Variants in SH3GL2 observed in about 807,000 individuals in gnomAD.
SH3GL2 encodes the protein endophilin-A1.
Under a neutral mutation model 46.0 loss-of-function variants are expected in SH3GL2, and 24 were observed. That is an observed-to-expected ratio of 0.52 (90% CI 0.38 to 0.73). The LOEUF is 0.73. Ranked by LOEUF, SH3GL2 falls within the 30% of genes least tolerant of loss-of-function variation. The pLI, the probability that SH3GL2 is intolerant of heterozygous loss-of-function variation, is 0.00. For missense variants in SH3GL2, 413 were observed against 424.2 expected, an observed-to-expected ratio of 0.97 and a Z score of 0.23; for synonymous variants, 196 against 147.1, an observed-to-expected ratio of 1.33 and a Z score of -2.40.
At chr9:17,770,422 A>G (rs1421915470) in intron 3 of SH3GL2, among the ~76,000 whole-genome samples, 2 of 152,194 alleles carry the variant, frequency 1.3e-5, no homozygotes, top group African/African-American at 4.8e-5. Flanking sequence ...CTTAAACTAC[A>G]AAGATACCTC....
intron 1 of SH3GL2, among the ~76,000 whole-genome samples, chr9:17,624,313 C>A (rs188640106): frequency 6.6e-6 from 1 of 152,168 alleles, no homozygotes; most frequent in Admixed American, 6.5e-5. Flanking sequence ...TCTTCCCTTG[C>A]AATAAGTGGT....
intron 1 of SH3GL2, among the ~76,000 whole-genome samples, chr9:17,586,648 C>T (rs537375197): frequency 1.3e-4 from 20 of 152,172 alleles, no homozygotes; most frequent in South Asian, 6.2e-4. Flanking sequence ...CTTCACATGA[C>T]GGCAGCAAGG....
At chr9:17,690,287 C>G (rs1677795662) in intron 1 of SH3GL2, among the ~76,000 whole-genome samples, 1 of 152,058 alleles carries the variant, frequency 6.6e-6, no homozygotes, top group East Asian at 1.9e-4. Flanking sequence ...TTCAGCATTC[C>G]CCCGGGCGAG....
intron 1 of SH3GL2, among the ~76,000 whole-genome samples, chr9:17,720,098 GTTTAC>G (rs939340554): frequency 7.2e-5 from 11 of 151,980 alleles, no homozygotes; most frequent in African/African-American, 2.4e-4. Context: ...GAAGAAAGAT[GTTTAC>G]TTTATTTTGC....
intron 1 of SH3GL2, among the ~76,000 whole-genome samples, chr9:17,614,639 C>T (rs1018203277): frequency 6.6e-6 from 1 of 152,108 alleles, no homozygotes. Context: ...AGTATGACAA[C>T]CTTGTGAGCT....
Position 17,579,077 on chromosome 9 carries a change from T to G in SH3GL2, c.-166T>G, listed in dbSNP as rs915069952. ...CACCCGCCCTTGACGTCAGAGTGTTTCTCCGCAAGAGCCCGTGTCCCGCTA... is the reference window on the plus strand; with the variant it reads ...CACCCGCCCTTGACGTCAGAGTGTTGCTCCGCAAGAGCCCGTGTCCCGCTA... On this transcript the variant is annotated 5_prime_UTR_variant, in exon 1 of 9. Coordinates refer to ENST00000380607, the MANE Select transcript of SH3GL2 (RefSeq NM_003026.5). 12 of 472,090 alleles carry G rather than the reference T, an allele frequency of 2.5e-5. No homozygotes were observed. Among genetic ancestry groups the G allele is most frequent in the Non-Finnish European group, 4.4e-5 (12 of 272,684 alleles). 29.2% of individuals were successfully genotyped at this position (472,090 alleles called of 1,614,324 possible). A position where few individuals can be genotyped will look rare whatever the true frequency, so the allele number is the denominator to read the frequency against.
At chr9:17,629,072 AT>A (rs1447178378) in intron 1 of SH3GL2, among the ~76,000 whole-genome samples, 5 of 151,932 alleles carry the variant, frequency 3.3e-5, no homozygotes, top group African/African-American at 1.2e-4. Context: ...ACTTAGATGA[AT>A]TGGGATGTTG....
chr9:17,630,858 C>A lies in SH3GL2; in HGVS notation c.45+51571C>A, dbSNP rs567377542. Among the ~76,000 whole-genome samples the A allele has an allele frequency of 2.0e-5, 3 of 152,220 alleles. No homozygotes were observed. The South Asian group carries it at 6.2e-4, about 32-fold the overall frequency. ...AGTCTCTTGCCTGCTGTTTTATGGG[C>A]AAGGTGGGGCAGGACCTATAAAAAT... On this transcript the variant is annotated intron_variant, in intron 1 of 8. Transcript: ENST00000380607.
At chr9:17,618,765 A>C (rs1053945591) in intron 1 of SH3GL2, among the ~76,000 whole-genome samples, 1 of 149,598 alleles carries the variant, frequency 6.7e-6, no homozygotes, top group Non-Finnish European at 1.5e-5. Context: ...TATATATTGA[A>C]CTAAATTTTT....
At position 17,755,839 on chromosome 9, in the gene SH3GL2, A is replaced by G. The variant is rs886261143; in HGVS notation, c.115-5598A>G. 1.1e-5 allele frequency: 10 copies of G among 914,036 alleles called. No individual in the cohort carries two copies. The African/African-American group carries it at 1.8e-4, about 16-fold the overall frequency. 56.6% of individuals were successfully genotyped at this position (914,036 alleles called of 1,614,324 possible). On this transcript the variant is annotated intron_variant, in intron 2 of 8. Transcript: ENST00000380607. ...CTTTTCTTCAGGGAAGAAAGGTAAT[A>G]TTCCCATGTCTCTGGAAGAGTAACC...
chr9:17,791,895 C>G (rs1225163307), intron 7 of SH3GL2, among the ~76,000 whole-genome samples: 1 of 152,214 alleles, frequency 6.6e-6, no homozygotes, highest in Non-Finnish European at 1.5e-5. Flanking sequence ...TTAGATGTAC[C>G]TCACAGCAGG....
chr9:17,615,839 A>G (rs555688805), intron 1 of SH3GL2, among the ~76,000 whole-genome samples: 3 of 152,318 alleles, frequency 2.0e-5, no homozygotes, highest in African/African-American at 7.2e-5. Flanking sequence ...AACTCAGTCA[A>G]AAACTACTGT....
chr9:17,791,041 C>T (rs1036744894), intron 6 of SH3GL2, among the ~76,000 whole-genome samples, 190 bp from the exon 7 acceptor site: 1 of 152,168 alleles, frequency 6.6e-6, no homozygotes, highest in African/African-American at 2.4e-5. Context: ...CATAAGGATG[C>T]TTTCTTTTAT....
intron 1 of SH3GL2, among the ~76,000 whole-genome samples, chr9:17,629,430 A>G (rs982536450): frequency 1.3e-5 from 2 of 152,216 alleles, no homozygotes; most frequent in South Asian, 4.1e-4. Flanking sequence ...GAATGGTGCT[A>G]TTAAGGTGAT....
chr9:17,657,513 A>G (rs139499985), intron 1 of SH3GL2, among the ~76,000 whole-genome samples: 36 of 152,276 alleles, frequency 2.4e-4, no homozygotes, highest in Non-Finnish European at 4.9e-4. Flanking sequence ...CCTTTAAGCA[A>G]GTCATTTACG....
chr9:17,711,403 G>A (rs1014708860), intron 1 of SH3GL2, among the ~76,000 whole-genome samples: 1 of 151,812 alleles, frequency 6.6e-6, no homozygotes, highest in African/African-American at 2.4e-5. Flanking sequence ...ATTGATCACT[G>A]AAATCCAGAA....
At chr9:17,612,508 T>C (rs1187044692) in intron 1 of SH3GL2, among the ~76,000 whole-genome samples, 2 of 152,148 alleles carry the variant, frequency 1.3e-5, no homozygotes, top group Admixed American at 1.3e-4. Flanking sequence ...TGCAGCTCTA[T>C]TGAAATACAG....
intron 1 of SH3GL2, among the ~76,000 whole-genome samples, chr9:17,709,963 G>T (rs1165325410): frequency 6.6e-6 from 1 of 151,874 alleles, no homozygotes; most frequent in Non-Finnish European, 1.5e-5. Flanking sequence ...AGTACCCCTA[G>T]AGGCCCTATA....
intron 1 of SH3GL2, among the ~76,000 whole-genome samples, chr9:17,695,123 A>G (rs1375061489): frequency 6.6e-6 from 1 of 152,174 alleles, no homozygotes; most frequent in East Asian, 1.9e-4. Context: ...TCAGTAAGAA[A>G]TGTCATCCCA....
Sources: gnomAD v4.1 joint callset for allele counts (sites outside exome capture counted in the v4.1 genomes callset) on GRCh38, gnomAD v4.1.1 for gene constraint, MANE v1.5 for transcripts, NCBI Gene and HGNC (gene_info 2026-07-23, HGNC 2026-07-21) for gene names.